HELZ: variants seen among roughly 807,000 people sequenced by gnomAD.
The protein encoded by HELZ is ATP-dependent RNA helicase with zinc finger domain.
HELZ carries 23 observed loss-of-function variants against 218.2 expected under a neutral mutation model. That is an observed-to-expected ratio of 0.11 (90% CI 0.08 to 0.15). The LOEUF (loss-of-function observed/expected upper bound fraction) is 0.15, where lower values mean the gene tolerates loss of function less well. Ranked by LOEUF, HELZ falls within the 10% of genes least tolerant of loss-of-function variation. The pLI is 1.00. For missense variants in HELZ, 1,813 were observed against 2,353.7 expected (o/e 0.77, Z 4.75); for synonymous variants, 814 against 829.4 (o/e 0.98, Z 0.32).
rs1598329897 is a variant in HELZ at position 67,152,466 on chromosome 17, G to A, written c.2178-1242C>T. ...ATTCACTAGGCATTTCGAGAGTAAC[G>A]CCAACAGAATTTACTGATGAACTAG... is the stretch of plus-strand genomic sequence containing the variant. On this transcript the variant is annotated intron_variant, in intron 17 of 32. Coordinates refer to ENST00000358691, the MANE Select transcript of HELZ (RefSeq NM_014877.4). 2.6e-5 allele frequency among the ~76,000 whole-genome samples: 4 copies of A among 152,098 alleles called. No individual in the cohort carries two copies. In the South Asian group the frequency reaches 6.2e-4, roughly 24 times the overall value.
chr17:67,188,639 C>T lies in HELZ; in HGVS notation c.865-23G>A. On this transcript the variant is annotated intron_variant, in intron 11 of 32. Transcript: ENST00000358691. This position sits in a 1 kb window ranked among gnomAD's most constrained non-coding sequence, Gnocchi z 4.1. ...AGGCTACAAGGAAGTTAAAATAATT[C>T]ATTGAGTACAAGGGGGTGAAAAATC... The T allele has an allele frequency of 6.3e-7, 1 of 1,598,370 alleles. No individual in the cohort carries two copies. Among genetic ancestry groups the T allele is most frequent in the Non-Finnish European group, 8.6e-7 (1 of 1,168,742 alleles).
intron 27 of HELZ, among the ~76,000 whole-genome samples, chr17:67,118,692 CAAAAAAAAA>C (rs142101119): frequency 2.2e-5 from 1 of 44,912 alleles, no homozygotes; most frequent in African/African-American, 9.4e-5. Flanking sequence ...CTTTAAAAGG[CAAAAAAAAA>C]AAAAAAAAAA....
chr17:67,197,490 G>A (rs1185563502), intron 7 of HELZ, among the ~76,000 whole-genome samples: 1 of 152,152 alleles, frequency 6.6e-6, no homozygotes, highest in African/African-American at 2.4e-5. Context: ...TTCCCTGCCT[G>A]TATTTTGTGA....
At chr17:67,095,043 T>C (rs942178812) in intron 31 of HELZ, among the ~76,000 whole-genome samples, 2 of 152,190 alleles carry the variant, frequency 1.3e-5, no homozygotes, top group African/African-American at 2.4e-5. Context: ...CACAAAGTTG[T>C]TTGATGGTAT....
intron 22 of HELZ, among the ~76,000 whole-genome samples, chr17:67,137,147 C>T (rs1159848687): frequency 6.6e-6 from 1 of 152,080 alleles, no homozygotes; most frequent in Admixed American, 6.6e-5. Flanking sequence ...TTTTTTCTTA[C>T]GTGCTTCAAA....
chr17:67,109,068 A>G lies in HELZ; in HGVS notation c.4489+48T>C, dbSNP rs764753066. The G allele has an allele frequency of 7.9e-6, 11 of 1,399,506 alleles. No individual in the cohort carries two copies. The African/African-American group carries it at 1.4e-4, about 18-fold the overall frequency. The allele number at this position is 1,399,506 out of a possible 1,614,324, so 86.7% of individuals were successfully genotyped here. A position where few individuals can be genotyped will look rare whatever the true frequency, so the allele number is the denominator to read the frequency against. On this transcript the variant is annotated intron_variant, in intron 29 of 32. Coordinates refer to ENST00000358691, the MANE Select transcript of HELZ (RefSeq NM_014877.4). ...AAAATGATATTATACAGTCCAAGTC[A>G]TGTTAAGTAATCTCTGAATTTTCAC...
At chr17:67,151,360 C>G (rs2038676712) in intron 17 of HELZ, 136 bp from the exon 18 acceptor site, 1 of 678,876 alleles carries the variant, frequency 1.5e-6, no homozygotes, top group Admixed American at 3.1e-5. Context: ...CGTTAGCACT[C>G]TATTGAATTA....
intron 21 of HELZ, among the ~76,000 whole-genome samples, chr17:67,145,121 G>C (rs1007136093): frequency 6.6e-6 from 1 of 152,054 alleles, no homozygotes; most frequent in East Asian, 1.9e-4. Flanking sequence ...TGCCATCCTC[G>C]GGCTTCCTGA....
chr17:67,120,954 G>A (rs2037591459), intron 26 of HELZ, among the ~76,000 whole-genome samples: 1 of 152,122 alleles, frequency 6.6e-6, no homozygotes, highest in South Asian at 2.1e-4. Flanking sequence ...ATGTATACAT[G>A]TCAGATTACC....
rs1369636403 is a variant in HELZ at position 67,108,414 on chromosome 17, A to C, written c.4724+78T>G. The C allele has an allele frequency of 9.5e-7, 1 of 1,055,450 alleles. No individual in the cohort carries two copies. The highest frequency in any genetic ancestry group is 1.3e-5 in the South Asian group (1 of 74,446). 65.4% of individuals were successfully genotyped at this position (1,055,450 alleles called of 1,614,324 possible). A position where few individuals can be genotyped will look rare whatever the true frequency, so the allele number is the denominator to read the frequency against. ...TCTCTGAGGCAATATTCCAGCTTGA[A>C]GCTAAAAGGACTACAGTCAAAAAAG... On this transcript the variant is annotated intron_variant, in intron 30 of 32. Coordinates refer to ENST00000358691, the MANE Select transcript of HELZ (RefSeq NM_014877.4). This position sits in a 1 kb window ranked among gnomAD's most constrained non-coding sequence, Gnocchi z 4.1.
At chr17:67,230,938 ATG>A (rs2041021575) in intron 3 of HELZ, among the ~76,000 whole-genome samples, 1 of 152,244 alleles carries the variant, frequency 6.6e-6, no homozygotes, top group South Asian at 2.1e-4. Context: ...AATAATATAT[ATG>A]GTATAATCCC....
chr17:67,225,038 C>G, intron 3 of HELZ: 1 of 640,304 alleles, frequency 1.6e-6, no homozygotes, highest in East Asian at 3.2e-5. Context: ...TGATCCAGTT[C>G]TATGTGTCAT....
intron 31 of HELZ, among the ~76,000 whole-genome samples, chr17:67,089,688 GAGAGAGAGAGAGAC>G: frequency 7.7e-6 from 1 of 130,194 alleles, no homozygotes; most frequent in African/African-American, 3.3e-5. Flanking sequence ...GAGAGAGAGA[GAGAGAGAGAGAGAC>G]AGAGAGACAG....
chr17:67,222,856 G>A (rs1164258699), intron 3 of HELZ, among the ~76,000 whole-genome samples: 2 of 152,136 alleles, frequency 1.3e-5, no homozygotes, highest in Non-Finnish European at 2.9e-5. Context: ...CACTTCAAGA[G>A]TGTAGCTGAC....
At chr17:67,118,851 G>A (rs2037511002) in intron 27 of HELZ, among the ~76,000 whole-genome samples, 1 of 151,926 alleles carries the variant, frequency 6.6e-6, no homozygotes, top group Non-Finnish European at 1.5e-5. Flanking sequence ...ATAAATAGAG[G>A]TTTCATCAAA....
rs1304429990 is a variant in HELZ, at chr17:67,071,403, TGG to T, written c.*6847_*6848del. 6 of 152,310 alleles carry T rather than the reference TGG, an allele frequency of 3.9e-5. No homozygotes were observed. The highest frequency in any genetic ancestry group is 1.4e-4 in the African/African-American group (6 of 41,564). The allele number at this position is 152,310 out of a possible 1,614,324, so 9.4% of individuals were successfully genotyped here. A position where few individuals can be genotyped will look rare whatever the true frequency, so the allele number is the denominator to read the frequency against. On this transcript the variant is annotated 3_prime_UTR_variant, in exon 33 of 33. Coordinates refer to ENST00000358691, the MANE Select transcript of HELZ (RefSeq NM_014877.4). ...AATAAACCGAAGCTCCCCTCTAAGTTGGGACTGCATAAAGGAACCCAGGCTGA... is the reference window on the plus strand; with the variant it reads ...AATAAACCGAAGCTCCCCTCTAAGTTGACTGCATAAAGGAACCCAGGCTGA...
chr17:67,228,707 CATT>C lies in HELZ; in HGVS notation c.-18-9888_-18-9886del, dbSNP rs375631612. ...TGACGAAAGAAAAGCCAAATTGATACATTATTATTATTATTATTATTATTATTA... is the reference window on the plus strand; with the variant it reads ...TGACGAAAGAAAAGCCAAATTGATACATTATTATTATTATTATTATTATTA... On this transcript the variant is annotated intron_variant, in intron 3 of 32. Transcript: ENST00000358691. Among the ~76,000 whole-genome samples, 88 of 147,440 alleles carry C rather than the reference CATT, an allele frequency of 6.0e-4. 1 individual carries two copies. The highest frequency in any genetic ancestry group is 3.5e-3 in the Admixed American group (51 of 14,724).
At chr17:67,245,451 G>A (rs1192998938), upstream of HELZ, 1 of 984,624 alleles carries the variant, frequency 1.0e-6, no homozygotes, top group Non-Finnish European at 1.2e-6. Context: ...CTGCCCCCAC[G>A]CCCGGTCCTC....
intron 3 of HELZ, 50 bp from the exon 4 acceptor site, chr17:67,218,872 A>G (rs2040674343): frequency 3.0e-6 from 4 of 1,337,964 alleles, no homozygotes; most frequent in African/African-American, 2.9e-5. Flanking sequence ...CTTATTAATT[A>G]TAAATTCTAG....
Sources: allele counts gnomAD v4.1 joint callset (sites outside exome capture counted in the v4.1 genomes callset), GRCh38; gene constraint gnomAD v4.1.1; non-coding constraint Gnocchi (gnomAD v3.1); transcripts MANE v1.5; gene names NCBI Gene and HGNC (gene_info 2026-07-23, HGNC 2026-07-21).